Variants in AGMO observed in about 807,000 individuals in gnomAD.
AGMO encodes the protein glyceryl-ether monooxygenase.
AGMO carries 75 observed loss-of-function variants against 60.2 expected under a neutral mutation model. That is an observed-to-expected ratio of 1.25 (90% CI 1.03 to 1.51). The LOEUF (loss-of-function observed/expected upper bound fraction) is 1.51, where lower values mean the gene tolerates loss of function less well. Among genes scored for constraint, AGMO ranks in the 40% most tolerant of loss-of-function variants. The pLI is 0.00. For missense variants in AGMO, 763 were observed against 525.5 expected (o/e 1.45, Z -4.42); for synonymous variants, 261 against 177.1 (o/e 1.47, Z -3.76).
intron 12 of AGMO, among the ~76,000 whole-genome samples, chr7:15,239,095 AT>A (rs1482275031): frequency 6.6e-6 from 1 of 152,120 alleles, no homozygotes; most frequent in Admixed American, 6.5e-5. Flanking sequence ...CTGGTTCTAG[AT>A]CTGTGCCCTC....
At chr7:15,435,663 T>A (rs1339531786) in intron 3 of AGMO, among the ~76,000 whole-genome samples, 1 of 151,926 alleles carries the variant, frequency 6.6e-6, no homozygotes, top group Non-Finnish European at 1.5e-5. Context: ...GGCCATAGCC[T>A]TTTTTTTAAA....
intron 12 of AGMO, among the ~76,000 whole-genome samples, chr7:15,231,472 T>C (rs1372927236): frequency 1.3e-5 from 2 of 152,196 alleles, no homozygotes; most frequent in Non-Finnish European, 2.9e-5. Flanking sequence ...GAAATTCCCT[T>C]TTGTATTTAA....
downstream of AGMO, among the ~76,000 whole-genome samples, chr7:15,195,357 G>A (rs536396399): frequency 6.6e-6 from 1 of 152,308 alleles, no homozygotes; most frequent in East Asian, 1.9e-4. Flanking sequence ...GCCCCAGTGG[G>A]TCTTCCGTGC....
chr7:15,332,868 C>A (rs1004700009), intron 12 of AGMO, among the ~76,000 whole-genome samples: 2 of 152,058 alleles, frequency 1.3e-5, no homozygotes, highest in African/African-American at 4.8e-5. Context: ...AATACTCTGA[C>A]AGATATTACA....
At chr7:15,390,787 C>G (rs1205046450) in intron 7 of AGMO, 37 bp from the exon 8 acceptor site, 1 of 1,584,044 alleles carries the variant, frequency 6.3e-7, no homozygotes, top group African/African-American at 1.3e-5. Flanking sequence ...ATTTGGCTTC[C>G]TGTAAAGTAA....
intron 12 of AGMO, among the ~76,000 whole-genome samples, chr7:15,274,816 C>T (rs1229136026): frequency 1.3e-5 from 2 of 151,420 alleles, no homozygotes; most frequent in Non-Finnish European, 2.9e-5. Context: ...TTTCCATTTC[C>T]TCTAGGTTTT....
chr7:15,308,073 C>G (rs1281191809), intron 12 of AGMO, among the ~76,000 whole-genome samples: 1 of 152,060 alleles, frequency 6.6e-6, no homozygotes, highest in East Asian at 1.9e-4. Flanking sequence ...CTTCAGTTTT[C>G]CATCCATTAC....
At chr7:15,272,490 T>C (rs1353938213) in intron 12 of AGMO, among the ~76,000 whole-genome samples, 1 of 152,056 alleles carries the variant, frequency 6.6e-6, no homozygotes, top group Non-Finnish European at 1.5e-5. Flanking sequence ...TAGTATTCCA[T>C]GGTGTATATG....
chr7:15,376,896 A>T (rs1437158014), intron 10 of AGMO, among the ~76,000 whole-genome samples: 1 of 152,080 alleles, frequency 6.6e-6, no homozygotes, highest in Non-Finnish European at 1.5e-5. Flanking sequence ...TCAGTAAGAA[A>T]GGAATGTGTC....
rs182343582 is a variant in AGMO, at chr7:15,375,139, G to A, written c.1075-8917C>T. ...AAAGATCCTACAACAGTTGCCAAAA[G>A]AGTCTGTTGTTAACATATTATCTTT... On this transcript the variant is annotated intron_variant, in intron 10 of 12. Transcript: ENST00000342526. 3.3e-5 allele frequency among the ~76,000 whole-genome samples: 5 copies of A among 152,160 alleles called. No homozygotes were observed. The East Asian group carries it at 9.7e-4, about 29-fold the overall frequency.
At chr7:15,446,747 A>G (rs758017972) in intron 3 of AGMO, among the ~76,000 whole-genome samples, 1 of 152,186 alleles carries the variant, frequency 6.6e-6, no homozygotes, top group Non-Finnish European at 1.5e-5. Flanking sequence ...CTCTGGTAGC[A>G]TTTTTGGCAG....
At chr7:15,241,606 C>A (rs1390320014) in intron 12 of AGMO, among the ~76,000 whole-genome samples, 1 of 151,606 alleles carries the variant, frequency 6.6e-6, no homozygotes, top group African/African-American at 2.4e-5. Flanking sequence ...AGGAAGACAA[C>A]TGACATGATG....
At chr7:15,190,562 A>AT in the AGMO span, among the ~76,000 whole-genome samples, 7 of 152,240 alleles carry the variant, frequency 4.6e-5, no homozygotes, top group Middle Eastern at 3.4e-3. Context: ...AAGAATTAGA[A>AT]TTTGTAAAAT....
intron 3 of AGMO, among the ~76,000 whole-genome samples, chr7:15,439,279 C>T (rs1366875532): frequency 6.6e-6 from 1 of 152,112 alleles, no homozygotes; most frequent in Non-Finnish European, 1.5e-5. Flanking sequence ...CACCTGTAGT[C>T]CCAGCTACTA....
At chr7:15,288,304 T>C (rs1455187124) in intron 12 of AGMO, among the ~76,000 whole-genome samples, 3 of 152,174 alleles carry the variant, frequency 2.0e-5, no homozygotes, top group Admixed American at 1.3e-4. Flanking sequence ...TATACTTTTC[T>C]AAACATTGTT....
intron 3 of AGMO, among the ~76,000 whole-genome samples, chr7:15,516,129 A>T (rs1783801277): frequency 6.6e-6 from 1 of 152,210 alleles, no homozygotes; most frequent in South Asian, 2.1e-4. Flanking sequence ...TTTACACAAT[A>T]AATATATACA....
At chr7:15,352,493 G>C (rs888937627) in intron 12 of AGMO, among the ~76,000 whole-genome samples, 2 of 148,684 alleles carry the variant, frequency 1.3e-5, no homozygotes, top group Non-Finnish European at 3.0e-5. Context: ...GAAGAATAAT[G>C]AGCAGCTTTT....
At chr7:15,494,257 A>G (rs1783161192) in intron 3 of AGMO, among the ~76,000 whole-genome samples, 1 of 152,234 alleles carries the variant, frequency 6.6e-6, no homozygotes, top group South Asian at 2.1e-4. Context: ...CATCAAAATG[A>G]AAACATAAGT....
rs569120255 is a variant in AGMO at position 15,330,052 on chromosome 7, G to A, written c.1263+35462C>T. Among the ~76,000 whole-genome samples the A allele has an allele frequency of 4.0e-5, 5 of 123,696 alleles. No individual in the cohort carries two copies. The South Asian group carries it at 1.0e-3, about 26-fold the overall frequency. 81.1% of individuals were successfully genotyped at this position (123,696 alleles called of 152,430 possible). A position where few individuals can be genotyped will look rare whatever the true frequency, so the allele number is the denominator to read the frequency against. On this transcript the variant is annotated intron_variant, in intron 12 of 12. Transcript: ENST00000342526. ...CATTGTTTTGGATAACTAAAATATAGAATTATTTTCTTTTTTCTTTCTATC... is the reference window on the plus strand; with the variant it reads ...CATTGTTTTGGATAACTAAAATATAAAATTATTTTCTTTTTTCTTTCTATC...
Sources: allele counts gnomAD v4.1 joint callset (sites outside exome capture counted in the v4.1 genomes callset), GRCh38; gene constraint gnomAD v4.1.1; transcripts MANE v1.5; gene names NCBI Gene and HGNC (gene_info 2026-07-23, HGNC 2026-07-21).